The following TRPS1 variants were observed in gnomAD, a reference collection of about 807,000 sequenced individuals.
The protein encoded by TRPS1 is zinc finger transcription factor Trps1.
TRPS1 carries 6 observed loss-of-function variants against 101.2 expected under a neutral mutation model. The ratio of observed to expected loss-of-function variants is 0.06; its 90% CI spans 0.03 to 0.12. The LOEUF is 0.12. TRPS1 is among the 10% of genes least tolerant of loss of function. TRPS1 has a pLI of 1.00. For synonymous variants in TRPS1, 578 were observed against 589.8 expected (o/e 0.98, Z 0.29); for missense variants, 1,363 against 1,567.0 (o/e 0.87, Z 2.20).
chr8:115,461,166 G>C (rs1407666022), intron 5 of TRPS1, among the ~76,000 whole-genome samples: 2 of 152,076 alleles, frequency 1.3e-5, no homozygotes, highest in African/African-American at 4.8e-5. Flanking sequence ...TATTTATTAA[G>C]AACTCTCTGT....
At chr8:115,558,684 T>C (rs1380684545) in intron 5 of TRPS1, among the ~76,000 whole-genome samples, 2 of 152,206 alleles carry the variant, frequency 1.3e-5, no homozygotes, top group Non-Finnish European at 1.5e-5. Context: ...TTCTGTACAA[T>C]TAAGATTTTT....
intron 4 of TRPS1, among the ~76,000 whole-genome samples, chr8:115,602,208 G>A (rs1817924283): frequency 6.6e-6 from 1 of 151,838 alleles, no homozygotes; most frequent in Non-Finnish European, 1.5e-5. Context: ...GTGTGTTCTG[G>A]CTGGTTTCCT....
intron 5 of TRPS1, among the ~76,000 whole-genome samples, chr8:115,454,514 T>G (rs1813965911): frequency 6.6e-6 from 1 of 152,296 alleles, no homozygotes; most frequent in Admixed American, 6.5e-5. Flanking sequence ...TTACTTAATT[T>G]TTTTCCTCTG....
chr8:115,654,267 T>C (rs1233199641), intron 1 of TRPS1, among the ~76,000 whole-genome samples: 2 of 152,314 alleles, frequency 1.3e-5, no homozygotes, highest in East Asian at 3.9e-4. Context: ...AGGCATTAAA[T>C]GTATATTTTA....
In TRPS1 at chr8:115,533,436, G is replaced by GTTTTTTTTT. The variant is rs1161916592; in HGVS notation, c.2700+53556_2700+53564dup. On this transcript the variant is annotated intron_variant, in intron 5 of 6. Transcript: ENST00000395715. ...GGGGCCCGCTTCCCACATGTAATCT[G>GTTTTTTTTT]TTTTTTTTTTTTTTTTTTTTTTTCC... Among the ~76,000 whole-genome samples the GTTTTTTTTT allele has an allele frequency of 1.3e-3, 47 of 34,994 alleles. 14 individuals carry two copies. Among genetic ancestry groups the GTTTTTTTTT allele is most frequent in the African/African-American group, 1.9e-3 (18 of 9,620 alleles). 23.0% of individuals were successfully genotyped at this position (34,994 alleles called of 152,430 possible). A position where few individuals can be genotyped will look rare whatever the true frequency, so the allele number is the denominator to read the frequency against.
intron 5 of TRPS1, among the ~76,000 whole-genome samples, chr8:115,449,886 T>C (rs576719118): frequency 6.6e-6 from 1 of 151,980 alleles, no homozygotes; most frequent in South Asian, 2.1e-4. Context: ...GGAAATACTT[T>C]GAGCTTCACA....
At chr8:115,583,775 A>G (rs1240397003) in intron 5 of TRPS1, among the ~76,000 whole-genome samples, 1 of 152,006 alleles carries the variant, frequency 6.6e-6, no homozygotes, top group Non-Finnish European at 1.5e-5. Context: ...GCAACTGAAA[A>G]TTTTTATATC....
intron 5 of TRPS1, among the ~76,000 whole-genome samples, chr8:115,493,289 A>C (rs1815072431): frequency 6.6e-6 from 1 of 152,212 alleles, no homozygotes; most frequent in South Asian, 2.1e-4. Flanking sequence ...TGTATGTCAC[A>C]TGGCATATAG....
At chr8:115,648,102 T>A (rs1811463147) in intron 1 of TRPS1, among the ~76,000 whole-genome samples, 1 of 151,458 alleles carries the variant, frequency 6.6e-6, no homozygotes, top group South Asian at 2.1e-4. Context: ...CAAGGAGGGG[T>A]GGCAGCAAAG....
chr8:115,620,411 TA>T (rs1477158350), intron 2 of TRPS1, among the ~76,000 whole-genome samples: 2 of 152,042 alleles, frequency 1.3e-5, no homozygotes, highest in Non-Finnish European at 2.9e-5. Context: ...TAACAATATA[TA>T]TGCATGCTTA....
intron 1 of TRPS1, among the ~76,000 whole-genome samples, chr8:115,662,995 T>G (rs771803437): frequency 1.1e-4 from 16 of 151,928 alleles, no homozygotes; most frequent in Non-Finnish European, 2.1e-4. Flanking sequence ...TAATCTCCAT[T>G]GAAACAAAAA....
intron 3 of TRPS1, among the ~76,000 whole-genome samples, chr8:115,618,739 T>C (rs1158575835): frequency 6.6e-6 from 1 of 152,180 alleles, no homozygotes; most frequent in Non-Finnish European, 1.5e-5. Flanking sequence ...GAAAGAAAGA[T>C]TATAGCAAAA....
chr8:115,545,135 T>C (rs902100848), intron 5 of TRPS1, among the ~76,000 whole-genome samples: 1 of 152,182 alleles, frequency 6.6e-6, no homozygotes, highest in Non-Finnish European at 1.5e-5. Context: ...TGCACGCTTA[T>C]GGTTGGAAAG....
chr8:115,619,630 G>T lies in TRPS1; in HGVS notation c.468C>A (p.Pro156=). ...ADDPQDMACT[P]SGDSLETKED... ...CCTTTGTCTCCAGTGAGTCCCCTGA[G>T]GGGGTGCAGGCCATATCTTGAGGGT... is the stretch of plus-strand genomic sequence containing the variant. The change falls in exon 3 of 7, where the codon CCC becomes CCA. Residue 156 remains proline (P), a synonymous_variant. Transcript: ENST00000395715. 1 of 1,614,202 alleles carries T rather than the reference G, an allele frequency of 6.2e-7. No individual in the cohort carries two copies. Among genetic ancestry groups the T allele is most frequent in the South Asian group, 1.1e-5 (1 of 91,084 alleles).
intron 5 of TRPS1, among the ~76,000 whole-genome samples, chr8:115,459,902 G>A (rs1045875981): frequency 2.6e-5 from 4 of 152,044 alleles, no homozygotes; most frequent in Admixed American, 1.3e-4. Context: ...CCAAAAGGTT[G>A]GCCCAACACA....
chr8:115,621,122 G>A (rs1818383422), intron 2 of TRPS1, among the ~76,000 whole-genome samples: 1 of 152,132 alleles, frequency 6.6e-6, no homozygotes, highest in African/African-American at 2.4e-5. Context: ...AGAACTTTAA[G>A]AATATAAAAT....
In TRPS1 at chr8:115,513,430, G is replaced by T. The variant is rs536244241; in HGVS notation, c.2700+73571C>A. Among the ~76,000 whole-genome samples the T allele has an allele frequency of 7.3e-5, 11 of 151,658 alleles. No individual in the cohort carries two copies. The South Asian group carries it at 2.3e-3, about 31-fold the overall frequency. On this transcript the variant is annotated intron_variant, in intron 5 of 6. Transcript: ENST00000395715. ...TTGCAATTAGGTGCTCATACCTTAG[G>T]CTTCTTGTAAAGAAAAGAAGTAGAC...
intron 5 of TRPS1, among the ~76,000 whole-genome samples, chr8:115,534,148 A>G (rs1816222019): frequency 6.6e-6 from 1 of 151,826 alleles, no homozygotes; most frequent in Non-Finnish European, 1.5e-5. Context: ...TAACCCTGAT[A>G]CCATCACACT....
intron 1 of TRPS1, among the ~76,000 whole-genome samples, chr8:115,634,050 CT>C (rs1486278253): frequency 6.6e-6 from 1 of 152,120 alleles, no homozygotes; most frequent in Non-Finnish European, 1.5e-5. Context: ...CACAAATGTG[CT>C]AAGAAAACTT....
Sources: allele counts gnomAD v4.1 joint callset (sites outside exome capture counted in the v4.1 genomes callset), GRCh38; gene constraint gnomAD v4.1.1; transcripts MANE v1.5; gene names NCBI Gene and HGNC (gene_info 2026-07-23, HGNC 2026-07-21).